Variants in VPS8 observed in about 807,000 individuals in gnomAD.
VPS8 encodes VPS8 subunit of CORVET complex, also known as vacuolar protein sorting-associated protein 8 homolog.
VPS8 carries 129 observed loss-of-function variants against 216.4 expected under a neutral mutation model. That is an observed-to-expected ratio of 0.60 (90% CI 0.52 to 0.69). The LOEUF (loss-of-function observed/expected upper bound fraction) is 0.69. Ranked by LOEUF, VPS8 falls within the 30% of genes least tolerant of loss-of-function variation. The probability of loss-of-function intolerance (pLI) is 0.00; values close to 1 mark genes in which losing one functional copy is unlikely to be tolerated. For missense variants in VPS8, 1,531 were observed against 1,683.5 expected (o/e 0.91, Z 1.59); for synonymous variants, 571 against 565.4 (o/e 1.01, Z -0.14).
chr3:184,962,387 T>G (rs1473811911), intron 37 of VPS8, among the ~76,000 whole-genome samples: 1 of 152,234 alleles, frequency 6.6e-6, no homozygotes, highest in Non-Finnish European at 1.5e-5. Flanking sequence ...ATATTTGCTG[T>G]TTTTCACATC....
intron 40 of VPS8, 110 bp downstream of exon 40, chr3:184,971,862 G>T: frequency 1.2e-6 from 1 of 819,110 alleles, no homozygotes; most frequent in Non-Finnish European, 2.0e-6. Context: ...ATCACCTGAG[G>T]TCAGGAGTTT....
intron 36 of VPS8, among the ~76,000 whole-genome samples, chr3:184,951,530 A>G (rs1016460674): frequency 4.6e-5 from 7 of 152,050 alleles, no homozygotes; most frequent in Admixed American, 1.3e-4. Context: ...ACTGATATAT[A>G]TTTTTAGTCT....
chr3:184,877,955 C>T, intron 21 of VPS8, among the ~76,000 whole-genome samples: 1 of 152,118 alleles, frequency 6.6e-6, no homozygotes, highest in Admixed American at 6.5e-5. Flanking sequence ...AATCAGTTAA[C>T]TGTGGAAACA....
In VPS8 at chr3:184,832,855, G is replaced by A. The variant is rs1212658351; in HGVS notation, c.353+36G>A. 3.8e-6 allele frequency: 6 copies of A among 1,587,160 alleles called. No homozygotes were observed. In the South Asian group the frequency reaches 5.7e-5, roughly 15 times the overall value. ...ATGTCAATCATACTTGCTTACAGTT[G>A]AAGTATTCAATTGTTTCAAATGTAA... On this transcript the variant is annotated intron_variant, in intron 4 of 47. Coordinates refer to ENST00000625842, the MANE Select transcript of VPS8 (RefSeq NM_001009921.3).
intron 1 of VPS8, among the ~76,000 whole-genome samples, chr3:184,814,658 A>T (rs1319094224): frequency 1.3e-5 from 2 of 152,230 alleles, no homozygotes; most frequent in East Asian, 3.8e-4. Context: ...TGGGGCACTT[A>T]CCATGGATGG....
At position 184,860,034 on chromosome 3, in the gene VPS8, T is replaced by C; in HGVS notation, c.1193T>C (p.Leu398Pro). ...GAIHVTKQKH[L>P]HLYYDLINFT... ...ATACATGTTACTAAGCAAAAGCATC[T>C]TCACCTATACTATGACCTCATCAAC... The change falls in exon 15 of 48, where the codon CTT becomes CCT. Residue 398 changes from leucine (L) to proline (P), a missense_variant. Physicochemically the swap from Leu to Pro is moderately conservative, Grantham distance 98. Transcript: ENST00000625842. 6.2e-7 allele frequency: 1 copy of C among 1,613,116 alleles called. No individual in the cohort carries two copies. Among genetic ancestry groups the C allele is most frequent in the Non-Finnish European group, 8.5e-7 (1 of 1,179,392 alleles).
At chr3:185,024,201 TAATC>T in intron 45 of VPS8, 131 bp from the exon 46 acceptor site, 2 of 798,974 alleles carry the variant, frequency 2.5e-6, no homozygotes, top group Non-Finnish European at 3.8e-6. Flanking sequence ...CAAAATCTAT[TAATC>T]TATTAATTTC....
At chr3:184,930,852 C>G (rs553055266) in intron 34 of VPS8, among the ~76,000 whole-genome samples, 1 of 152,234 alleles carries the variant, frequency 6.6e-6, no homozygotes, top group East Asian at 1.9e-4. Flanking sequence ...GAGAGTACTG[C>G]TTGTCCTTTT....
chr3:184,826,321 G>A lies in VPS8; in HGVS notation c.222+90G>A, dbSNP rs148584819. On this transcript the variant is annotated intron_variant, in intron 3 of 47. Transcript: ENST00000625842. ...AGTTATCATACATGCACCTAGATGCGCACTTTCCAGTAGGGTAGCCACTAG... is the reference window on the plus strand; with the variant it reads ...AGTTATCATACATGCACCTAGATGCACACTTTCCAGTAGGGTAGCCACTAG... 607 of 902,474 alleles carry A rather than the reference G, an allele frequency of 6.7e-4. 2 individuals are homozygous for A. The African/African-American group carries it at 8.1e-3, about 12-fold the overall frequency. The allele number at this position is 902,474 out of a possible 1,614,324, so 55.9% of individuals were successfully genotyped here. A position where few individuals can be genotyped will look rare whatever the true frequency, so the allele number is the denominator to read the frequency against.
At chr3:184,882,244 C>T (rs1730396629) in intron 21 of VPS8, 5 of 351,838 alleles carry the variant, frequency 1.4e-5, no homozygotes, top group South Asian at 2.2e-5. Flanking sequence ...GAGGAAGTTC[C>T]CCTCTATTAC....
intron 3 of VPS8, among the ~76,000 whole-genome samples, chr3:184,830,041 C>T (rs778202842): frequency 5.3e-5 from 8 of 152,122 alleles, no homozygotes; most frequent in South Asian, 2.1e-4. Flanking sequence ...CATTCGTGTG[C>T]GTGTGTGTGT....
intron 35 of VPS8, among the ~76,000 whole-genome samples, chr3:184,937,776 G>T (rs933562184): frequency 2.0e-5 from 3 of 152,180 alleles, no homozygotes; most frequent in African/African-American, 7.2e-5. Flanking sequence ...GAACAGTCAG[G>T]TCTGTGTGAA....
chr3:184,907,958 T>G (rs1444640067), intron 25 of VPS8, among the ~76,000 whole-genome samples: 1 of 152,176 alleles, frequency 6.6e-6, no homozygotes, highest in Non-Finnish European at 1.5e-5. Flanking sequence ...TTTATATGCA[T>G]ACATCCTTTT....
intron 45 of VPS8, 139 bp downstream of exon 45, chr3:185,000,000 T>G (rs541569700): frequency 3.1e-6 from 3 of 965,696 alleles, no homozygotes; most frequent in Non-Finnish European, 4.5e-6. Context: ...TTCTTTTCAG[T>G]CCTATTTAGT....
At chr3:184,858,797 C>G (rs556551971) in intron 14 of VPS8, among the ~76,000 whole-genome samples, 2 of 152,166 alleles carry the variant, frequency 1.3e-5, no homozygotes, top group Non-Finnish European at 2.9e-5. Context: ...TTGCCATGAC[C>G]TTTGCTCTTG....
intron 45 of VPS8, among the ~76,000 whole-genome samples, chr3:185,001,888 A>T (rs2109919968): frequency 6.6e-6 from 1 of 152,314 alleles, no homozygotes; most frequent in Admixed American, 6.5e-5. Context: ...AAATATATGT[A>T]TTTTTATTAT....
intron 36 of VPS8, among the ~76,000 whole-genome samples, chr3:184,947,983 C>A (rs1743989189): frequency 6.6e-6 from 1 of 152,042 alleles, no homozygotes; most frequent in Admixed American, 6.6e-5. Flanking sequence ...ACTAAAAATT[C>A]AGGATTTAGT....
chr3:184,994,294 G>T (rs1387861600), intron 43 of VPS8, among the ~76,000 whole-genome samples: 1 of 152,030 alleles, frequency 6.6e-6, no homozygotes, highest in Admixed American at 6.6e-5. Flanking sequence ...CAGAGGCCAG[G>T]AGTTTGAGAC....
At chr3:184,880,528 T>C (rs1730089896) in intron 21 of VPS8, among the ~76,000 whole-genome samples, 1 of 152,176 alleles carries the variant, frequency 6.6e-6, no homozygotes, top group Non-Finnish European at 1.5e-5. Context: ...TAGTATTCCA[T>C]AGTATGGATG....
Sources: allele counts gnomAD v4.1 joint callset (sites outside exome capture counted in the v4.1 genomes callset), GRCh38; gene constraint gnomAD v4.1.1; transcripts MANE v1.5; gene names NCBI Gene and HGNC (gene_info 2026-07-23, HGNC 2026-07-21).